CRPPA: variants seen among roughly 807,000 people sequenced by gnomAD.
CRPPA encodes the protein D-ribitol-5-phosphate cytidylyltransferase.
CRPPA carries 43 observed loss-of-function variants against 52.0 expected under a neutral mutation model. The ratio of observed to expected loss-of-function variants is 0.83; its 90% CI spans 0.65 to 1.07. CRPPA has a LOEUF of 1.07. CRPPA is among the 50% of genes least tolerant of loss of function. CRPPA has a pLI of 0.00. For synonymous variants in CRPPA, 250 were observed against 203.5 expected (o/e 1.23, Z -1.94); for missense variants, 629 against 551.7 (o/e 1.14, Z -1.40).
chr7:16,161,652 T>G (rs752386315), intron 9 of CRPPA, among the ~76,000 whole-genome samples: 1 of 152,192 alleles, frequency 6.6e-6, no homozygotes, highest in African/African-American at 2.4e-5. Context: ...TTTGTTTTTT[T>G]TGTGTGTGTC....
chr7:16,383,124 T>C (rs1765149590), intron 2 of CRPPA, among the ~76,000 whole-genome samples: 1 of 152,322 alleles, frequency 6.6e-6, no homozygotes, highest in East Asian at 1.9e-4. Flanking sequence ...TTTGTGGTTT[T>C]ATCTACTTTT....
intron 2 of CRPPA, among the ~76,000 whole-genome samples, chr7:16,378,811 T>C (rs1403416664): frequency 6.6e-6 from 1 of 152,206 alleles, no homozygotes; most frequent in Non-Finnish European, 1.5e-5. Context: ...TTCTAACTTG[T>C]GTGAGATGGT....
At position 16,089,157 on chromosome 7, in the gene CRPPA, TAA is replaced by T. The variant is rs1274787921; in HGVS notation, c.*2536_*2537del. The T allele has an allele frequency of 3.7e-6, 1 of 270,660 alleles. No homozygotes were observed. The highest frequency in any genetic ancestry group is 7.8e-5 in the East Asian group (1 of 12,802). 16.8% of individuals were successfully genotyped at this position (270,660 alleles called of 1,614,324 possible). ...ATATAAAATACATATACATAAAACA[TAA>T]AAATACATATATACGTACGTATATA... On this transcript the variant is annotated 3_prime_UTR_variant, in exon 10 of 10. Transcript: ENST00000407010.
Position 16,197,867 on chromosome 7 carries a change from T to C in CRPPA, c.1251+18199A>G, listed in dbSNP as rs539400817. On this transcript the variant is annotated intron_variant, in intron 9 of 9. Transcript: ENST00000407010. The stretch of plus-strand genomic sequence containing the variant: ...TATGACCTTACCCCCAACCCCGTGC[T>C]CTCTGAAATGTGTGCTGTGTCAACT... 2.1e-3 allele frequency among the ~76,000 whole-genome samples: 319 copies of C among 150,178 alleles called. 15 individuals are homozygous for C. Among genetic ancestry groups the C allele is most frequent in the African/African-American group, 7.6e-3 (308 of 40,732 alleles).
chr7:16,396,598 A>C lies in CRPPA; in HGVS notation c.534+9463T>G, dbSNP rs1159137237. ...GTATCCAGTCTGAGGAAAAGAAGTC[A>C]TTGTACGAAAAAGATACTTACACAT... On this transcript the variant is annotated intron_variant, in intron 2 of 9. Transcript: ENST00000407010. Among the ~76,000 whole-genome samples the C allele has an allele frequency of 2.0e-5, 3 of 152,264 alleles. No homozygotes were observed. In the South Asian group the frequency reaches 6.2e-4, roughly 31 times the overall value.
At chr7:16,120,712 G>A (rs1782465149) in intron 9 of CRPPA, among the ~76,000 whole-genome samples, 1 of 152,042 alleles carries the variant, frequency 6.6e-6, no homozygotes, top group South Asian at 2.1e-4. Flanking sequence ...GTCATCCCTT[G>A]AATAAAGTCT....
At chr7:16,338,551 A>G (rs910667411) in intron 3 of CRPPA, among the ~76,000 whole-genome samples, 2 of 152,160 alleles carry the variant, frequency 1.3e-5, no homozygotes, top group Non-Finnish European at 2.9e-5. Flanking sequence ...AAGAGGGTAA[A>G]AATTACTAAT....
At chr7:16,404,954 G>T (rs768223129) in intron 2 of CRPPA, among the ~76,000 whole-genome samples, 3 of 152,126 alleles carry the variant, frequency 2.0e-5, no homozygotes, top group Non-Finnish European at 4.4e-5. Context: ...ATTTCATTTG[G>T]TCTATGAAAT....
intron 8 of CRPPA, chr7:16,235,851 A>C (rs1250714065): frequency 6.6e-6 from 1 of 152,072 alleles, no homozygotes; most frequent in African/African-American, 2.4e-5. Context: ...AATGATCACT[A>C]GGCTTAATTT....
intron 9 of CRPPA, among the ~76,000 whole-genome samples, chr7:16,196,026 T>A (rs1158178282): frequency 1.3e-5 from 2 of 152,200 alleles, no homozygotes; most frequent in Admixed American, 6.5e-5. Context: ...AAGTGAAAGC[T>A]CACTAAATAT....
intron 3 of CRPPA, among the ~76,000 whole-genome samples, chr7:16,335,154 C>CAAAAAAAAAAAAAAAAAAAAAAA (rs60632334): frequency 1.1e-5 from 1 of 93,802 alleles, no homozygotes; most frequent in Non-Finnish European, 2.0e-5. Flanking sequence ...CCCATCTCTA[C>CAAAAAAAAAAAAAAAAAAAAAAA]AAAAAAAAAA....
chr7:16,390,760 C>T (rs1448560133), intron 2 of CRPPA, among the ~76,000 whole-genome samples: 7 of 152,108 alleles, frequency 4.6e-5, no homozygotes, highest in Non-Finnish European at 7.4e-5. Context: ...TTTTGGAGAA[C>T]TCCAATAACA....
intron 3 of CRPPA, among the ~76,000 whole-genome samples, chr7:16,320,912 G>A (rs1242143949): frequency 2.0e-5 from 3 of 152,102 alleles, no homozygotes; most frequent in African/African-American, 7.2e-5. Context: ...TGATAATATA[G>A]CTACAACCAT....
intron 9 of CRPPA, among the ~76,000 whole-genome samples, chr7:16,207,836 T>G (rs948818094): frequency 6.6e-6 from 1 of 152,218 alleles, no homozygotes; most frequent in African/African-American, 2.4e-5. Context: ...AGTAAATAGT[T>G]ATAGGAAATC....
intron 6 of CRPPA, chr7:16,266,378 A>C (rs748035726): frequency 6.6e-6 from 1 of 152,140 alleles, no homozygotes; most frequent in Non-Finnish European, 1.5e-5. Context: ...CTATTGTTCT[A>C]ATGCAACACT....
chr7:16,376,176 G>A lies in CRPPA; in HGVS notation c.600C>T (p.Asp200=), dbSNP rs777568422. 11 of 1,613,424 alleles carry A rather than the reference G, an allele frequency of 6.8e-6. No homozygotes were observed. Among genetic ancestry groups the A allele is most frequent in the Non-Finnish European group, 8.5e-6 (10 of 1,179,630 alleles). ...VVSPSADGCL[D]YSLERARHRA... ...TGTGTCTGGCACGTTCTAGCGAGTAGTCTAAGCAACCATCAGCAGATGGAC... is the reference window on the plus strand; with the variant it reads ...TGTGTCTGGCACGTTCTAGCGAGTAATCTAAGCAACCATCAGCAGATGGAC... Residue 200 remains aspartate, a synonymous_variant, in exon 3 of 10, where the codon GAC becomes GAT. Coordinates refer to ENST00000407010, the MANE Select transcript of CRPPA (RefSeq NM_001101426.4).
chr7:16,325,265 A>T (rs893517458), intron 3 of CRPPA, among the ~76,000 whole-genome samples: 1 of 152,216 alleles, frequency 6.6e-6, no homozygotes, highest in Non-Finnish European at 1.5e-5. Context: ...GAGCTGGAGA[A>T]CGATGGAAAC....
intron 5 of CRPPA, among the ~76,000 whole-genome samples, chr7:16,284,110 T>C (rs962517585): frequency 2.0e-5 from 3 of 152,016 alleles, no homozygotes; most frequent in Non-Finnish European, 4.4e-5. Flanking sequence ...GAAGCACACA[T>C]CTGTAAAAGG....
chr7:16,305,756 C>T (rs1049322505), intron 4 of CRPPA, among the ~76,000 whole-genome samples: 6 of 152,134 alleles, frequency 3.9e-5, no homozygotes, highest in Admixed American at 1.3e-4. Flanking sequence ...GTGGCAAGCA[C>T]CTGTAGTCCC....
Sources: allele counts gnomAD v4.1 joint callset (sites outside exome capture counted in the v4.1 genomes callset), GRCh38; gene constraint gnomAD v4.1.1; transcripts MANE v1.5; gene names NCBI Gene and HGNC (gene_info 2026-07-23, HGNC 2026-07-21).